AHI1: variants seen among roughly 807,000 people sequenced by gnomAD.
AHI1 encodes Abelson helper integration site 1.
AHI1 carries 123 observed loss-of-function variants against 149.3 expected under a neutral mutation model. That is an observed-to-expected ratio of 0.82 (90% CI 0.71 to 0.96). The LOEUF (loss-of-function observed/expected upper bound fraction) is 0.96, where lower values mean the gene tolerates loss of function less well. AHI1 is among the 40% of genes least tolerant of loss of function. The pLI, the probability that AHI1 is intolerant of heterozygous loss-of-function variation, is 0.00. For missense variants in AHI1, 1,439 were observed against 1,422.7 expected, an observed-to-expected ratio of 1.01 and a Z score of -0.18; for synonymous variants, 475 against 459.8, an observed-to-expected ratio of 1.03 and a Z score of -0.42.
chr6:135,316,719 C>T (rs983096034), intron 26 of AHI1, among the ~76,000 whole-genome samples: 3 of 152,000 alleles, frequency 2.0e-5, no homozygotes, highest in Non-Finnish European at 2.9e-5. Flanking sequence ...TGGGCTCTGC[C>T]TTCATTACAA....
intron 11 of AHI1, among the ~76,000 whole-genome samples, chr6:135,451,805 C>T (rs1461710576): frequency 1.3e-5 from 2 of 151,350 alleles, no homozygotes; most frequent in East Asian, 1.9e-4. Context: ...TAAAACCACA[C>T]GATGGCACTG....
chr6:135,457,472 T>C (rs1027861911), intron 9 of AHI1, 22 bp downstream of exon 9: 5 of 1,559,938 alleles, frequency 3.2e-6, no homozygotes, highest in Non-Finnish European at 3.5e-6. Context: ...CAAGAATTAG[T>C]TGTGCAATTA....
intron 14 of AHI1, among the ~76,000 whole-genome samples, chr6:135,440,875 T>C (rs184552573): frequency 5.8e-4 from 88 of 152,108 alleles, no homozygotes; most frequent in Non-Finnish European, 1.0e-3. Flanking sequence ...ATTTCCAGAG[T>C]TGCCACACTG....
At chr6:135,380,610 AG>A (rs1776595718) in intron 23 of AHI1, among the ~76,000 whole-genome samples, 1 of 152,120 alleles carries the variant, frequency 6.6e-6, no homozygotes, top group Non-Finnish European at 1.5e-5. Context: ...ATACGTTCAG[AG>A]CATGTATAAA....
At chr6:135,348,066 T>TATGTTAGTGAC (rs2128420937) in intron 24 of AHI1, among the ~76,000 whole-genome samples, 1 of 152,314 alleles carries the variant, frequency 6.6e-6, no homozygotes, top group Non-Finnish European at 1.5e-5. Flanking sequence ...GACGGCCGTG[T>TATGTTAGTGAC]GGCTATCTCT....
chr6:135,379,168 G>T (rs2128465336), intron 23 of AHI1, among the ~76,000 whole-genome samples: 1 of 152,186 alleles, frequency 6.6e-6, no homozygotes, highest in African/African-American at 2.4e-5. Flanking sequence ...ATATCTTGTA[G>T]GCATTTCAAA....
At chr6:135,470,079 C>A (rs1274442608) in intron 5 of AHI1, among the ~76,000 whole-genome samples, 1 of 148,936 alleles carries the variant, frequency 6.7e-6, no homozygotes, top group Non-Finnish European at 1.5e-5. Context: ...TGACAAAGGT[C>A]TAATATCCAG....
chr6:135,349,845 A>G (rs563498716), intron 24 of AHI1, among the ~76,000 whole-genome samples: 1 of 152,338 alleles, frequency 6.6e-6, no homozygotes, highest in South Asian at 2.1e-4. Context: ...TAGCAATTAG[A>G]AAAGTAAGTC....
At chr6:135,375,993 T>C (rs75284560) in intron 23 of AHI1, among the ~76,000 whole-genome samples, 3,985 of 151,646 alleles carry the variant, frequency 0.026, 57 homozygotes, top group East Asian at 0.036. Flanking sequence ...CTTTGCCAAA[T>C]TGGGGACAAT....
At chr6:135,456,840 A>G (rs571412860) in intron 9 of AHI1, among the ~76,000 whole-genome samples, 16 of 152,380 alleles carry the variant, frequency 1.1e-4, no homozygotes, top group African/African-American at 3.8e-4. Context: ...CCTGAAGCCC[A>G]GATAACATTA....
chr6:135,345,905 CAAGAAAAAATACACGT>C (rs1791121266), intron 24 of AHI1, among the ~76,000 whole-genome samples: 1 of 151,962 alleles, frequency 6.6e-6, no homozygotes, highest in Admixed American at 6.6e-5. Flanking sequence ...AGAAACAGTG[CAAGAAAAAATACACGT>C]AAGGAGACCA....
chr6:135,370,153 G>A (rs577371573), intron 23 of AHI1, among the ~76,000 whole-genome samples: 3 of 152,278 alleles, frequency 2.0e-5, no homozygotes, highest in South Asian at 4.1e-4. Flanking sequence ...TCTTCCCTCA[G>A]AAAAGGCTCA....
chr6:135,317,428 T>C (rs1419095563), intron 26 of AHI1, among the ~76,000 whole-genome samples: 1 of 150,128 alleles, frequency 6.7e-6, no homozygotes, highest in Non-Finnish European at 1.5e-5. Context: ...GGAAAGGTTT[T>C]TCTAACTTCA....
chr6:135,340,276 GCAGGCGAATTGC>G (rs1790084068), intron 24 of AHI1, among the ~76,000 whole-genome samples: 1 of 152,122 alleles, frequency 6.6e-6, no homozygotes, highest in Admixed American at 6.5e-5. Context: ...GGAGGCTGAG[GCAGGCGAATTGC>G]CTGAACCTGG....
chr6:135,374,523 A>G (rs1044931614), intron 23 of AHI1, among the ~76,000 whole-genome samples: 5 of 152,124 alleles, frequency 3.3e-5, no homozygotes, highest in Non-Finnish European at 7.4e-5. Flanking sequence ...TTTTATATCT[A>G]GTAAGTCCAA....
intron 26 of AHI1, among the ~76,000 whole-genome samples, chr6:135,309,777 C>T (rs546922498): frequency 9.2e-5 from 14 of 152,132 alleles, no homozygotes; most frequent in Non-Finnish European, 1.8e-4. Context: ...CCACCGCGCC[C>T]GCCCGCAGGT....
chr6:135,374,337 C>T (rs1003270392), intron 23 of AHI1, among the ~76,000 whole-genome samples: 4 of 151,616 alleles, frequency 2.6e-5, no homozygotes, highest in African/African-American at 9.7e-5. Context: ...TGGTCTCGAT[C>T]TCCTGACCTC....
chr6:135,293,848 CTA>C (rs1171781739), intron 27 of AHI1, among the ~76,000 whole-genome samples: 1 of 152,120 alleles, frequency 6.6e-6, no homozygotes, highest in Non-Finnish European at 1.5e-5. Context: ...TTGGAATATG[CTA>C]TAGAAATTGA....
At chr6:135,451,132 G>A (rs1243800609) in intron 11 of AHI1, among the ~76,000 whole-genome samples, 1 of 152,026 alleles carries the variant, frequency 6.6e-6, no homozygotes, top group Non-Finnish European at 1.5e-5. Context: ...GAGTAGCTGG[G>A]ATTACAGGTG....
Sources: gnomAD v4.1 joint callset for allele counts (sites outside exome capture counted in the v4.1 genomes callset) on GRCh38, gnomAD v4.1.1 for gene constraint, MANE v1.5 for transcripts, NCBI Gene and HGNC (gene_info 2026-07-23, HGNC 2026-07-21) for gene names.